CCNG2: variants seen among roughly 807,000 people sequenced by gnomAD.
CCNG2 encodes the protein cyclin-G2.
In CCNG2, 20 loss-of-function variants were observed where a neutral mutation model predicts 36.5. That is an observed-to-expected ratio of 0.55 (90% confidence interval 0.39 to 0.80). The LOEUF (loss-of-function observed/expected upper bound fraction) is 0.80, where lower values mean the gene tolerates loss of function less well. CCNG2 is among the 30% of genes least tolerant of loss of function. CCNG2 has a pLI of 0.00. For missense variants in CCNG2, 358 were observed against 390.8 expected (o/e 0.92, Z 0.71); for synonymous variants, 155 against 140.1 (o/e 1.11, Z -0.75).
rs1445844911 is a variant in CCNG2 at position 77,169,041 on chromosome 4, G to A, written c.*3117G>A. On this transcript the variant is annotated 3_prime_UTR_variant, in exon 8 of 8. Transcript: ENST00000316355. ...TGCTACTGTTTCCTCCTCCCAGGAAGTGTGGTTAGACAAATAATGTGTTTT... is the reference window on the plus strand; with the variant it reads ...TGCTACTGTTTCCTCCTCCCAGGAAATGTGGTTAGACAAATAATGTGTTTT... 3 of 152,284 alleles carry A rather than the reference G, an allele frequency of 2.0e-5. No individual in the cohort carries two copies. Among genetic ancestry groups the A allele is most frequent in the Non-Finnish European group, 2.9e-5 (2 of 68,094 alleles). 9.4% of individuals were successfully genotyped at this position (152,284 alleles called of 1,614,324 possible). A position where few individuals can be genotyped will look rare whatever the true frequency, so the allele number is the denominator to read the frequency against.
Position 77,164,370 on chromosome 4 carries a change from T to G in CCNG2, c.802T>G (p.Leu268Val). The G allele has an allele frequency of 1.2e-6, 2 of 1,613,884 alleles. No individual in the cohort carries two copies. Among genetic ancestry groups the G allele is most frequent in the Non-Finnish European group, 1.7e-6 (2 of 1,179,882 alleles). The change falls in exon 7 of 8, where the codon TTG becomes GTG. Residue 268 changes from leucine (L) to valine (V), a missense_variant. By Grantham distance (32) the Leu-to-Val change is conservative. Transcript: ENST00000316355. ...ATGTTGCAAACCAGATCTTAAGAAGTTGGTTTGGATCGTTTCAAGGCGCAC... is the reference window on the plus strand; with the variant it reads ...ATGTTGCAAACCAGATCTTAAGAAGGTGGTTTGGATCGTTTCAAGGCGCAC... ...PECCKPDLKK[L>V]VWIVSRRTAQ...
In CCNG2 at chr4:77,169,245, A is replaced by G. The variant is rs1450299664; in HGVS notation, c.*3321A>G. Reference sequence around the variant, plus strand: ...CAATATGGTGTTCCTGCTACCTCCCACCTCCCTCCTCCCTCATCACACATG... The same window carrying G: ...CAATATGGTGTTCCTGCTACCTCCCGCCTCCCTCCTCCCTCATCACACATG... On this transcript the variant is annotated 3_prime_UTR_variant, in exon 8 of 8. Coordinates refer to ENST00000316355, the MANE Select transcript of CCNG2 (RefSeq NM_004354.3). 1 of 151,244 alleles carries G rather than the reference A, an allele frequency of 6.6e-6. No individual in the cohort carries two copies. The highest frequency in any genetic ancestry group is 1.9e-4 in the East Asian group (1 of 5,170). 9.4% of individuals were successfully genotyped at this position (151,244 alleles called of 1,614,324 possible).
At chr4:77,159,054 T>A (rs1465476946) in intron 2 of CCNG2, among the ~76,000 whole-genome samples, 1 of 152,232 alleles carries the variant, frequency 6.6e-6, no homozygotes, top group Non-Finnish European at 1.5e-5. Flanking sequence ...AAGAACCCTT[T>A]CTCTCCATTC....
chr4:77,158,184 T>TC (rs1251229751), intron 1 of CCNG2: 4 of 254,622 alleles, frequency 1.6e-5, no homozygotes, highest in Admixed American at 5.1e-5. Flanking sequence ...CACACTGCAG[T>TC]CCCCTGGGCA....
intron 2 of CCNG2, 49 bp from the exon 3 acceptor site, chr4:77,159,318 A>T: frequency 6.4e-7 from 1 of 1,560,692 alleles, no homozygotes; most frequent in Non-Finnish European, 8.7e-7. Flanking sequence ...TGTGTTTTTC[A>T]TCTGGTTCTA....
intron 6 of CCNG2, among the ~76,000 whole-genome samples, chr4:77,163,381 G>T (rs1379435509): frequency 6.6e-6 from 1 of 152,176 alleles, no homozygotes. Flanking sequence ...GTCATTGGGT[G>T]TGTCAGAGGT....
Position 77,158,375 on chromosome 4 carries a change from C to T in CCNG2, c.1-158C>T, listed in dbSNP as rs4150049. On this transcript the variant is annotated intron_variant, in intron 1 of 7. Coordinates refer to ENST00000316355, the MANE Select transcript of CCNG2 (RefSeq NM_004354.3). ...ACCTCCCTGGCCGTGGTGGGGATTG[C>T]CCTGGGGCTCTGGCGGACGTGACTG... The T allele has an allele frequency of 1.9e-5, 13 of 672,750 alleles. No homozygotes were observed. The East Asian group carries it at 2.4e-4, about 12-fold the overall frequency. The allele number at this position is 672,750 out of a possible 1,614,324, so 41.7% of individuals were successfully genotyped here. A position where few individuals can be genotyped will look rare whatever the true frequency, so the allele number is the denominator to read the frequency against.
Position 77,161,576 on chromosome 4 carries a change from T to A in CCNG2, c.606+18T>A. 2 of 1,596,748 alleles carry A rather than the reference T, an allele frequency of 1.3e-6. No individual in the cohort carries two copies. Among genetic ancestry groups the A allele is most frequent in the Non-Finnish European group, 1.7e-6 (2 of 1,171,088 alleles). On this transcript the variant is annotated intron_variant, in intron 5 of 7. Transcript: ENST00000316355. ...AAGCAAAAGTAAGTCGATTCCTTGC[T>A]TATGTATATATCTCACAGTTTGTAT...
chr4:77,161,408 A>G, intron 4 of CCNG2, 72 bp from the exon 5 acceptor site: 1 of 1,250,960 alleles, frequency 8.0e-7, no homozygotes, highest in Non-Finnish European at 1.1e-6. Flanking sequence ...GGCCCTGGCA[A>G]ATATTTAAAA....
rs1446876833 is a variant in CCNG2, at chr4:77,169,368, TTAC to T, written c.*3448_*3450del. ...ACTGGAATTCAGTTTTCCTAACTAT[TTAC>T]TACCAGAAATGGTCAATAACTTACT... is the stretch of plus-strand genomic sequence containing the variant. On this transcript the variant is annotated 3_prime_UTR_variant, in exon 8 of 8. Coordinates refer to ENST00000316355, the MANE Select transcript of CCNG2 (RefSeq NM_004354.3). 5 of 150,906 alleles carry T rather than the reference TTAC, an allele frequency of 3.3e-5. No homozygotes were observed. The East Asian group carries it at 9.6e-4, about 29-fold the overall frequency. 9.3% of individuals were successfully genotyped at this position (150,906 alleles called of 1,614,324 possible).
intron 7 of CCNG2, 39 bp from the exon 8 acceptor site, chr4:77,165,762 G>A (rs1731614166): frequency 6.6e-7 from 1 of 1,506,448 alleles, no homozygotes; most frequent in African/African-American, 1.4e-5. Context: ...TGTGTTTTAA[G>A]TAATGGTATC....
intron 3 of CCNG2, among the ~76,000 whole-genome samples, 182 bp from the exon 4 acceptor site, chr4:77,160,539 G>A (rs897144072): frequency 6.7e-6 from 1 of 149,654 alleles, no homozygotes; most frequent in East Asian, 2.0e-4. Flanking sequence ...TTTGGGGGGG[G>A]GGGGAGGTCG....
rs1380464164 is a variant in CCNG2, at chr4:77,158,540, A to G, written c.8A>G (p.Asp3Gly). 6.2e-7 allele frequency: 1 copy of G among 1,613,942 alleles called. No individual in the cohort carries two copies. Among genetic ancestry groups the G allele is most frequent in the South Asian group, 1.1e-5 (1 of 91,072 alleles). The change falls in exon 2 of 8, where the codon GAT (aspartate) becomes GGT (glycine). Residue 3 changes from aspartate to glycine, a missense_variant. By Grantham distance (94) the Asp-to-Gly change is moderately conservative. Coordinates refer to ENST00000316355, the MANE Select transcript of CCNG2 (RefSeq NM_004354.3). MK[D>G]LGAEHLAGHE... ...GTGGTGTCTTTACTGCAGATGAAGG[A>G]TTTGGGGGCAGAGCACTTGGCAGGT...
rs558164142 is a variant in CCNG2, at chr4:77,166,203, A to T, written c.*279A>T. 1.0e-4 allele frequency: 23 copies of T among 228,768 alleles called. No homozygotes were observed. The highest frequency in any genetic ancestry group is 1.4e-3 in the Middle Eastern group (1 of 708). The allele number at this position is 228,768 out of a possible 1,614,324, so 14.2% of individuals were successfully genotyped here. A position where few individuals can be genotyped will look rare whatever the true frequency, so the allele number is the denominator to read the frequency against. The stretch of plus-strand genomic sequence containing the variant: ...TTTGGGGAGGAGGGAAGGTGCTGAT[A>T]CCTTCAATTTGTTACTTTTCAAGAT... On this transcript the variant is annotated 3_prime_UTR_variant, in exon 8 of 8. Coordinates refer to ENST00000316355, the MANE Select transcript of CCNG2 (RefSeq NM_004354.3).
Position 77,164,470 on chromosome 4 carries a change from A to C in CCNG2, c.902A>C (p.Glu301Ala). 1 of 1,613,454 alleles carries C rather than the reference A, an allele frequency of 6.2e-7. No individual in the cohort carries two copies. Among genetic ancestry groups the C allele is most frequent in the Non-Finnish European group, 8.5e-7 (1 of 1,179,416 alleles). ...PTIPEGGCFD[E>A]SESEDSCEDM... ...ATACCTGAGGGGGGTTGTTTTGATG[A>C]AAGTGAAAGGTAGGCAGGTTCCTTG... is the stretch of plus-strand genomic sequence containing the variant. Residue 301 changes from glutamate (E) to alanine (A), a missense_variant, in exon 7 of 8, where the codon GAA becomes GCA. Coordinates refer to ENST00000316355, the MANE Select transcript of CCNG2 (RefSeq NM_004354.3).
intron 3 of CCNG2, 40 bp downstream of exon 3, chr4:77,159,544 T>C (rs1731369370): frequency 6.3e-7 from 1 of 1,593,850 alleles, no homozygotes; most frequent in Admixed American, 1.7e-5. Context: ...CCTTTTTCTA[T>C]GCCCAGTGCC....
At chr4:77,161,993 C>G (rs777694539) in intron 6 of CCNG2, among the ~76,000 whole-genome samples, 1 of 152,132 alleles carries the variant, frequency 6.6e-6, no homozygotes, top group Non-Finnish European at 1.5e-5. Flanking sequence ...AGTAATCATG[C>G]CATATGATAG....
At chr4:77,164,740 G>C (rs2109922899) in intron 7 of CCNG2, 1 of 300,818 alleles carries the variant, frequency 3.3e-6, no homozygotes, top group East Asian at 6.8e-5. Context: ...TCGCGATGTT[G>C]CCCAGGGCTG....
chr4:77,161,056 T>A, intron 4 of CCNG2, 85 bp downstream of exon 4: 1 of 1,052,532 alleles, frequency 9.5e-7, no homozygotes, highest in Non-Finnish European at 1.4e-6. Context: ...AAATTTATAT[T>A]TTTACCTTCT....
Sources: allele counts gnomAD v4.1 joint callset (sites outside exome capture counted in the v4.1 genomes callset), GRCh38; gene constraint gnomAD v4.1.1; transcripts MANE v1.5; gene names NCBI Gene and HGNC (gene_info 2026-07-23, HGNC 2026-07-21).